The following TFEC variants were observed in gnomAD, a reference collection of about 807,000 sequenced individuals.
TFEC encodes transcription factor EC.
Under a neutral mutation model 41.6 loss-of-function variants are expected in TFEC, and 31 were observed. The ratio of observed to expected loss-of-function variants is 0.74; its 90% CI spans 0.56 to 1.01. The LOEUF (loss-of-function observed/expected upper bound fraction) is 1.01. TFEC is among the 50% of genes least tolerant of loss of function. TFEC has a pLI of 0.00. For synonymous variants in TFEC, 143 were observed against 140.6 expected (o/e 1.02, Z -0.12); for missense variants, 402 against 404.1 (o/e 0.99, Z 0.04).
upstream of TFEC, among the ~76,000 whole-genome samples, chr7:116,035,695 T>G (rs1252955472): frequency 6.6e-6 from 1 of 152,056 alleles, no homozygotes; most frequent in Non-Finnish European, 1.5e-5. Flanking sequence ...AGACAGAAAG[T>G]GAAAACCTTC....
chr7:116,130,010 C>T (rs1798299332), intron 1 of TFEC, among the ~76,000 whole-genome samples: 1 of 150,228 alleles, frequency 6.7e-6, no homozygotes, highest in African/African-American at 2.5e-5. Flanking sequence ...GTATTCCTGT[C>T]TATATCACTA....
At chr7:115,953,096 G>C (rs1309202807) in intron 5 of TFEC, among the ~76,000 whole-genome samples, 1 of 151,902 alleles carries the variant, frequency 6.6e-6, no homozygotes, top group African/African-American at 2.4e-5. Context: ...TATGGAGCTT[G>C]AATGTACAGG....
rs1156987903 is a variant in TFEC, at chr7:115,936,490, T to C, written c.*4061A>G. On this transcript the variant is annotated 3_prime_UTR_variant, in exon 8 of 8. Coordinates refer to ENST00000265440, the MANE Select transcript of TFEC (RefSeq NM_012252.4). ...TCTTACACATCAGACGGTCAGTAAA[T>C]ACCTAAAGTGTTTGAATAGGGTCAA... is the stretch of plus-strand genomic sequence containing the variant. 1 of 151,610 alleles carries C rather than the reference T, an allele frequency of 6.6e-6. No individual in the cohort carries two copies. Among genetic ancestry groups the C allele is most frequent in the Non-Finnish European group, 1.5e-5 (1 of 67,610 alleles). 9.4% of individuals were successfully genotyped at this position (151,610 alleles called of 1,614,324 possible). A position where few individuals can be genotyped will look rare whatever the true frequency, so the allele number is the denominator to read the frequency against.
rs894669414 is a variant in TFEC at position 116,127,926 on chromosome 7, CT to C, written c.-68-15889del. On this transcript the variant is annotated intron_variant, in intron 1 of 8. Transcript: ENST00000484212. ...CTCTCAATGTTTTTGTCAAACTACT[CT>C]TTTTTTAATCCATCTAAATATATGT... is the stretch of plus-strand genomic sequence containing the variant. Among the ~76,000 whole-genome samples, 118 of 152,036 alleles carry C rather than the reference CT, an allele frequency of 7.8e-4. 1 individual carries two copies. The highest frequency in any genetic ancestry group is 2.4e-4 in the Non-Finnish European group (16 of 68,006).
intron 1 of TFEC, among the ~76,000 whole-genome samples, chr7:116,150,338 A>G (rs1452957609): frequency 6.6e-6 from 1 of 152,142 alleles, no homozygotes; most frequent in African/African-American, 2.4e-5. Flanking sequence ...ATTTTCAATG[A>G]CATGCATGAA....
chr7:115,980,300 C>T (rs1484347185), intron 2 of TFEC, among the ~76,000 whole-genome samples: 1 of 152,102 alleles, frequency 6.6e-6, no homozygotes, highest in African/African-American at 2.4e-5. Context: ...GATGAAGCAG[C>T]CCCCTTGTGA....
chr7:116,054,429 C>G (rs900759210), intron 3 of TFEC, among the ~76,000 whole-genome samples: 3 of 152,020 alleles, frequency 2.0e-5, no homozygotes, highest in Non-Finnish European at 4.4e-5. Context: ...GAAAAGAGAT[C>G]AAAGAAGAAG....
intron 1 of TFEC, among the ~76,000 whole-genome samples, chr7:116,157,833 ACT>A (rs1363289918): frequency 6.6e-6 from 1 of 152,136 alleles, no homozygotes; most frequent in Non-Finnish European, 1.5e-5. Context: ...CACCGAAGGT[ACT>A]CATTCACTTG....
chr7:116,001,483 A>C (rs1584674522), intron 1 of TFEC, among the ~76,000 whole-genome samples: 1 of 151,390 alleles, frequency 6.6e-6, no homozygotes, highest in African/African-American at 2.4e-5. Context: ...CGACAGAGCG[A>C]GACTCAGTCT....
At chr7:115,973,008 G>C (rs192800743) in intron 3 of TFEC, among the ~76,000 whole-genome samples, 1 of 152,016 alleles carries the variant, frequency 6.6e-6, no homozygotes, top group East Asian at 1.9e-4. Context: ...AATGTATCTA[G>C]AGAATTAGTT....
chr7:116,026,237 A>G (rs1261057374), intron 1 of TFEC, among the ~76,000 whole-genome samples: 1 of 152,200 alleles, frequency 6.6e-6, no homozygotes, highest in African/African-American at 2.4e-5. Context: ...AACTCTGCAC[A>G]TGCTAGTCTT....
chr7:116,143,044 G>A (rs1798572689), intron 1 of TFEC, among the ~76,000 whole-genome samples: 1 of 152,192 alleles, frequency 6.6e-6, no homozygotes, highest in Non-Finnish European at 1.5e-5. Context: ...CAGTCTCACA[G>A]GATGTGAATG....
intron 3 of TFEC, among the ~76,000 whole-genome samples, chr7:115,967,848 T>C (rs760187490): frequency 2.0e-5 from 3 of 151,858 alleles, no homozygotes; most frequent in Non-Finnish European, 4.4e-5. Flanking sequence ...TATATACATA[T>C]GACCTATTTA....
At chr7:116,074,887 C>T (rs1238689478) in intron 3 of TFEC, among the ~76,000 whole-genome samples, 1 of 152,132 alleles carries the variant, frequency 6.6e-6, no homozygotes, top group Non-Finnish European at 1.5e-5. Context: ...AATTGATAAA[C>T]AGATGAATAA....
At chr7:116,061,816 T>C (rs181467489) in intron 3 of TFEC, among the ~76,000 whole-genome samples, 33 of 152,230 alleles carry the variant, frequency 2.2e-4, no homozygotes, top group Non-Finnish European at 3.7e-4. Flanking sequence ...ATATAAGGTA[T>C]ATGGATAGCA....
At chr7:116,022,222 C>A (rs569900623) in intron 1 of TFEC, among the ~76,000 whole-genome samples, 75 of 152,216 alleles carry the variant, frequency 4.9e-4, no homozygotes, top group African/African-American at 1.8e-3. Flanking sequence ...GACATTGATG[C>A]CATTGTTGGC....
intron 3 of TFEC, among the ~76,000 whole-genome samples, chr7:116,075,597 G>A (rs1025391314): frequency 1.3e-5 from 2 of 152,068 alleles, no homozygotes; most frequent in Admixed American, 6.6e-5. Context: ...AACGGGATGA[G>A]GCCTGTGGCT....
chr7:115,967,642 T>C (rs978057911), intron 3 of TFEC, among the ~76,000 whole-genome samples: 11 of 151,824 alleles, frequency 7.2e-5, no homozygotes, highest in Non-Finnish European at 1.2e-4. Flanking sequence ...ATTGCTGTTA[T>C]TATTTTTGTC....
At position 115,940,273 on chromosome 7, in the gene TFEC, C is replaced by G. The variant is rs1793419805; in HGVS notation, c.*278G>C. The G allele has an allele frequency of 7.0e-6, 2 of 284,022 alleles. No homozygotes were observed. The highest frequency in any genetic ancestry group is 1.4e-4 in the East Asian group (2 of 14,438). 17.6% of individuals were successfully genotyped at this position (284,022 alleles called of 1,614,324 possible). On this transcript the variant is annotated 3_prime_UTR_variant, in exon 8 of 8. Coordinates refer to ENST00000265440, the MANE Select transcript of TFEC (RefSeq NM_012252.4). ...CTGCTTTTAAAACATCAATAAAGAG[C>G]TATTTCTTATGCTGTACCTCTTTTC...
Sources: gnomAD v4.1 joint callset for allele counts (sites outside exome capture counted in the v4.1 genomes callset) on GRCh38, gnomAD v4.1.1 for gene constraint, MANE v1.5 for transcripts, NCBI Gene and HGNC (gene_info 2026-07-23, HGNC 2026-07-21) for gene names.